ATAD5: variants seen among roughly 807,000 people sequenced by gnomAD.
ATAD5 encodes the protein ATPase family AAA domain-containing protein 5.
In ATAD5, 58 loss-of-function variants were observed where a neutral mutation model predicts 176.9. That is an observed-to-expected ratio of 0.33 (90% CI 0.27 to 0.41). ATAD5 has a LOEUF of 0.41. ATAD5 is among the 10% of genes least tolerant of loss of function. The pLI, the probability that ATAD5 is intolerant of heterozygous loss-of-function variation, is 1.00. For missense variants in ATAD5, 1,789 were observed against 2,094.1 expected (o/e 0.85, Z 2.84); for synonymous variants, 640 against 712.6 (o/e 0.90, Z 1.62).
intron 6 of ATAD5, among the ~76,000 whole-genome samples, chr17:30,845,830 T>C (rs1294515326): frequency 6.6e-6 from 1 of 152,016 alleles, no homozygotes; most frequent in Non-Finnish European, 1.5e-5. Context: ...ATGAAAAGAT[T>C]TTAGGAGATG....
Position 30,832,353 on chromosome 17 carries a change from G to C in ATAD5, c.6G>C (p.Val2=). 1 of 1,561,074 alleles carries C rather than the reference G, an allele frequency of 6.4e-7. No individual in the cohort carries two copies. Among genetic ancestry groups the C allele is most frequent in the Non-Finnish European group, 8.7e-7 (1 of 1,152,588 alleles). M[V]GVLAMAAAAA... is the part of the protein sequence containing the mutation. ...GATTCCGGGAAGCGGGGAGTATGGT[G>C]GGGGTCCTGGCCATGGCGGCTGCAG... The change falls in exon 1 of 23, where the codon GTG becomes GTC. Residue 2 remains valine (V), a synonymous_variant. Coordinates refer to ENST00000321990, the MANE Select transcript of ATAD5 (RefSeq NM_024857.5).
chr17:30,835,229 T>G lies in ATAD5; in HGVS notation c.1148T>G (p.Leu383Trp), dbSNP rs772440385. ...GAGGAAGAATTAGAATTGGCTGTTTTGGAAGCTGGAAGTTCTGAAGCTGTG... is the reference window on the plus strand; with the variant it reads ...GAGGAAGAATTAGAATTGGCTGTTTGGGAAGCTGGAAGTTCTGAAGCTGTG... Reference protein sequence around the residue: ...IQEEELELAVLEAGSSEAVKP... With the variant: ...IQEEELELAVWEAGSSEAVKP... Residue 383 changes from leucine to tryptophan, a missense_variant, in exon 2 of 23, where the codon TTG (leucine) becomes TGG (tryptophan). Leu to Trp is a moderately conservative substitution (Grantham distance 61). Coordinates refer to ENST00000321990, the MANE Select transcript of ATAD5 (RefSeq NM_024857.5). 1.1e-5 allele frequency: 18 copies of G among 1,614,042 alleles called. No individual in the cohort carries two copies. The highest frequency in any genetic ancestry group is 1.5e-5 in the Non-Finnish European group (18 of 1,179,988).
At chr17:30,876,182 AAC>A (rs1908663315) in intron 14 of ATAD5, among the ~76,000 whole-genome samples, 190 bp from the exon 15 acceptor site, 1 of 152,142 alleles carries the variant, frequency 6.6e-6, no homozygotes, top group African/African-American at 2.4e-5. Flanking sequence ...TGACTGGCTT[AAC>A]CTTCTGTACT....
At position 30,834,382 on chromosome 17, in the gene ATAD5, C is replaced by T. The variant is rs765114060; in HGVS notation, c.301C>T (p.Pro101Ser). Residue 101 changes from proline to serine, a missense_variant, in exon 2 of 23, where the codon CCT becomes TCT. Around this residue, in one of 6 missense-constraint regions of ATAD5, gnomAD observed 696 missense variants for 712.5 expected, o/e 0.98. Coordinates refer to ENST00000321990, the MANE Select transcript of ATAD5 (RefSeq NM_024857.5). Reference sequence around the variant, plus strand: ...TGACAGCAACAAAGACTGTACGACACCTTTGGAAATGTTCTCAAATGTAGA... The same window carrying T: ...TGACAGCAACAAAGACTGTACGACATCTTTGGAAATGTTCTCAAATGTAGA... ...PVDSNKDCTT[P>S]LEMFSNVEFK... 1 of 1,604,774 alleles carries T rather than the reference C, an allele frequency of 6.2e-7. No individual in the cohort carries two copies. Among genetic ancestry groups the T allele is most frequent in the East Asian group, 2.2e-5 (1 of 44,786 alleles).
chr17:30,833,610 A>G (rs1032428252), intron 1 of ATAD5, among the ~76,000 whole-genome samples: 2 of 152,222 alleles, frequency 1.3e-5, no homozygotes, highest in African/African-American at 2.4e-5. Context: ...TCCAGAGCCT[A>G]TGTATGTTGC....
At chr17:30,855,866 G>GAA (rs563642866) in intron 7 of ATAD5, among the ~76,000 whole-genome samples, 300 of 130,624 alleles carry the variant, frequency 2.3e-3, no homozygotes, top group African/African-American at 7.2e-3. Flanking sequence ...CTCAAAAAAA[G>GAA]AAAAAAAAAA....
At chr17:30,877,320 T>C in intron 15 of ATAD5, 96 bp from the exon 16 acceptor site, 1 of 903,306 alleles carries the variant, frequency 1.1e-6, no homozygotes, top group Non-Finnish European at 1.7e-6. Flanking sequence ...GTTTCAGTTT[T>C]GATAATGGAT....
At position 30,835,776 on chromosome 17, in the gene ATAD5, C is replaced by G. The variant is rs921395339; in HGVS notation, c.1695C>G (p.Thr565=). 2 of 1,613,406 alleles carry G rather than the reference C, an allele frequency of 1.2e-6. No homozygotes were observed. Among genetic ancestry groups the G allele is most frequent in the Admixed American group, 1.7e-5 (1 of 59,868 alleles). Residue 565 remains threonine, a synonymous_variant, in exon 2 of 23, where the codon ACC becomes ACG. Transcript: ENST00000321990. ...ACAATAATAAATTGTCAAGAAAAAC[C>G]AGCATACCAGTTAAAGATATTAAGC... ...LCNNNKLSRK[T]SIPVKDIKLT...
intron 10 of ATAD5, 86 bp downstream of exon 10, chr17:30,860,698 G>T: frequency 8.9e-7 from 1 of 1,128,166 alleles, no homozygotes; most frequent in Non-Finnish European, 1.2e-6. Context: ...ATTTTGATAT[G>T]CTTTTTAAAA....
chr17:30,890,897 ATGT>A (rs1184705230), intron 19 of ATAD5, among the ~76,000 whole-genome samples: 1 of 137,020 alleles, frequency 7.3e-6, no homozygotes, highest in Non-Finnish European at 1.5e-5. Context: ...AGTATTATAT[ATGT>A]TGTTATTTTT....
Position 30,835,975 on chromosome 17 carries a change from A to C in ATAD5, c.1894A>C (p.Asn632His). 1.9e-6 allele frequency: 3 copies of C among 1,614,084 alleles called. No individual in the cohort carries two copies. The highest frequency in any genetic ancestry group is 2.5e-6 in the Non-Finnish European group (3 of 1,180,008). The change falls in exon 2 of 23, where the codon AAC becomes CAC. Residue 632 changes from asparagine to histidine, a missense_variant. Physicochemically the swap from Asn to His is moderately conservative, Grantham distance 68 (BLOSUM62 1). This residue lies in a region of ATAD5 where 487 missense variants were observed against 573.6 expected (regional missense o/e 0.85). Coordinates refer to ENST00000321990, the MANE Select transcript of ATAD5 (RefSeq NM_024857.5). ...AAAGGCTTCCACTCAAAAAGCAGCCAACTTATCGGAAAAGCACAGCTTATA... is the reference window on the plus strand; with the variant it reads ...AAAGGCTTCCACTCAAAAAGCAGCCCACTTATCGGAAAAGCACAGCTTATA... ...QLKASTQKAA[N>H]LSEKHSLYTA...
rs1453632317 is a variant in ATAD5 at position 30,869,598 on chromosome 17, T to G, written c.3559T>G (p.Ser1187Ala). Residue 1187 changes from serine (S) to alanine (A), a missense_variant, in exon 14 of 23, where the codon TCA becomes GCA. By Grantham distance (99) the Ser-to-Ala change is moderately conservative. This residue lies in a region of ATAD5 where 194 missense variants were observed against 270.1 expected (regional missense o/e 0.72). Transcript: ENST00000321990. ...TCAAGTAGACAAACAAGGTGTAAAC[T>G]CACAAAAACCCTGTTTTTTTAATAG... Reference protein sequence around the residue: ...SHQVDKQGVNSQKPCFFNSYY... With the variant: ...SHQVDKQGVNAQKPCFFNSYY... 6.2e-7 allele frequency: 1 copy of G among 1,601,816 alleles called. No homozygotes were observed. Among genetic ancestry groups the G allele is most frequent in the Non-Finnish European group, 8.5e-7 (1 of 1,177,314 alleles).
In ATAD5 at chr17:30,835,250, C is replaced by T. The variant is rs1291734814; in HGVS notation, c.1169C>T (p.Ala390Val). The T allele has an allele frequency of 3.1e-6, 5 of 1,614,062 alleles. No homozygotes were observed. Among genetic ancestry groups the T allele is most frequent in the Non-Finnish European group, 3.4e-6 (4 of 1,180,002 alleles). ...GTTTTGGAAGCTGGAAGTTCTGAAG[C>T]TGTGAAACCAAAATGCACTCTAGAA... The part of the protein sequence containing the change: ...LAVLEAGSSE[A>V]VKPKCTLEER... Residue 390 changes from alanine (A) to valine (V), a missense_variant, in exon 2 of 23, where the codon GCT becomes GTT. Physicochemically the swap from Ala to Val is moderately conservative, Grantham distance 64. Coordinates refer to ENST00000321990, the MANE Select transcript of ATAD5 (RefSeq NM_024857.5).
intron 19 of ATAD5, among the ~76,000 whole-genome samples, chr17:30,892,222 C>A (rs533118872): frequency 6.6e-6 from 1 of 151,506 alleles, no homozygotes; most frequent in South Asian, 2.1e-4. Flanking sequence ...GTCAAGAGTT[C>A]GAGATCAGCC....
intron 15 of ATAD5, 91 bp from the exon 16 acceptor site, chr17:30,877,325 A>G: frequency 1.1e-6 from 1 of 932,848 alleles, no homozygotes. Context: ...AGTTTTGATA[A>G]TGGATTTCAG....
chr17:30,866,185 ATTTTTTT>A (rs542432593), intron 11 of ATAD5, among the ~76,000 whole-genome samples: 113 of 79,242 alleles, frequency 1.4e-3, no homozygotes, highest in South Asian at 2.0e-3. Context: ...GAATTTACAA[ATTTTTTT>A]TTTTTTTTTT....
rs1430389384 is a variant in ATAD5, at chr17:30,835,344, G to T, written c.1263G>T (p.Lys421Asn). ...ATGCACTTAAAAATGGAGTTAAAAA[G>T]TCTTCTGATAAGCAGAAAGACCTTA... ...ASDALKNGVK[K>N]SSDKQKDLNE... The change falls in exon 2 of 23, where the codon AAG becomes AAT. Residue 421 changes from lysine to asparagine, a missense_variant. Transcript: ENST00000321990. 3 of 1,613,404 alleles carry T rather than the reference G, an allele frequency of 1.9e-6. No individual in the cohort carries two copies. In the Admixed American group the frequency reaches 5.0e-5, roughly 27 times the overall value.
intron 7 of ATAD5, 63 bp from the exon 8 acceptor site, chr17:30,856,892 A>G: frequency 7.2e-7 from 1 of 1,385,300 alleles, no homozygotes; most frequent in Non-Finnish European, 9.6e-7. Flanking sequence ...TACGTATTTG[A>G]CATTCAGTAA....
At chr17:30,867,986 TTA>T (rs1412892992) in intron 11 of ATAD5, among the ~76,000 whole-genome samples, 3 of 152,234 alleles carry the variant, frequency 2.0e-5, no homozygotes, top group African/African-American at 7.2e-5. Flanking sequence ...TGGTGTATTT[TTA>T]TGTTTTTCCT....
Sources: allele counts gnomAD v4.1 joint callset (sites outside exome capture counted in the v4.1 genomes callset), GRCh38; gene constraint gnomAD v4.1.1; regional missense constraint gnomAD v4.1.1; transcripts MANE v1.5; gene names NCBI Gene and HGNC (gene_info 2026-07-23, HGNC 2026-07-21).